Variants in LARGE1 observed in about 807,000 individuals in gnomAD.
LARGE1 encodes LARGE xylosyl- and glucuronyltransferase 1.
LARGE1 carries 43 observed loss-of-function variants against 87.6 expected under a neutral mutation model. The observed-to-expected ratio is 0.49, with a 90% CI of 0.38 to 0.63. LARGE1 has a LOEUF of 0.63. Among genes scored for constraint, LARGE1 ranks in the 30% least tolerant of loss-of-function variants. The pLI, the probability that LARGE1 is intolerant of heterozygous loss-of-function variation, is 0.00. For missense variants in LARGE1, 802 were observed against 1,000.2 expected (o/e 0.80, Z 2.67); for synonymous variants, 434 against 394.6 (o/e 1.10, Z -1.18).
intron 9 of LARGE1, among the ~76,000 whole-genome samples, chr22:33,379,903 T>A (rs1346915686): frequency 6.6e-6 from 1 of 152,148 alleles, no homozygotes; most frequent in Non-Finnish European, 1.5e-5. Flanking sequence ...TCAGGAAATT[T>A]CAAGGGTTTT....
chr22:33,514,509 T>G (rs117037933), intron 6 of LARGE1, among the ~76,000 whole-genome samples: 2,005 of 152,276 alleles, frequency 0.013, 20 homozygotes, highest in Middle Eastern at 0.048. Context: ...ATTTAAAAAT[T>G]CATACAGTAT....
At chr22:33,284,148 A>G (rs574905220) in intron 12 of LARGE1, among the ~76,000 whole-genome samples, 1 of 152,260 alleles carries the variant, frequency 6.6e-6, no homozygotes, top group Admixed American at 6.5e-5. Context: ...CAGGCACAGA[A>G]GGAAGGCTTC....
rs183537386 is a variant in LARGE1, at chr22:33,376,041, C to T, written c.1131+5878G>A. Among the ~76,000 whole-genome samples the T allele has an allele frequency of 1.5e-4, 23 of 152,198 alleles. No individual in the cohort carries two copies. In the East Asian group the frequency reaches 3.9e-3, roughly 26 times the overall value. On this transcript the variant is annotated intron_variant, in intron 9 of 14. Coordinates refer to ENST00000397394, the MANE Select transcript of LARGE1 (RefSeq NM_133642.5). ...CTATTTTTGGAAAAGCCAATATCAC[C>T]GTAGGAAGAAAAAGTTATGTTTCTG...
chr22:33,677,793 C>G (rs1319695989), intron 2 of LARGE1, among the ~76,000 whole-genome samples: 5 of 152,194 alleles, frequency 3.3e-5, no homozygotes. Flanking sequence ...TTTGTCTGTC[C>G]AAATTCTTGA....
intron 6 of LARGE1, among the ~76,000 whole-genome samples, chr22:33,527,288 C>G (rs1289014378): frequency 6.6e-6 from 1 of 152,132 alleles, no homozygotes; most frequent in Non-Finnish European, 1.5e-5. Flanking sequence ...GATAAAAACC[C>G]CTATAGGTCG....
At chr22:33,756,556 G>C (rs1028069793) in intron 2 of LARGE1, among the ~76,000 whole-genome samples, 2 of 152,174 alleles carry the variant, frequency 1.3e-5, no homozygotes, top group Non-Finnish European at 2.9e-5. Context: ...GAGCAATAGA[G>C]GGTGTCAGGG....
chr22:33,337,391 C>T (rs1278405136), intron 10 of LARGE1, among the ~76,000 whole-genome samples: 1 of 152,116 alleles, frequency 6.6e-6, no homozygotes, highest in Non-Finnish European at 1.5e-5. Flanking sequence ...CATTCTGTTT[C>T]CTCTGCTTGG....
At chr22:33,348,113 A>T (rs1238142192) in intron 9 of LARGE1, among the ~76,000 whole-genome samples, 1 of 152,170 alleles carries the variant, frequency 6.6e-6, no homozygotes, top group Non-Finnish European at 1.5e-5. Context: ...CCTCCTGGCT[A>T]GACTTCAAGG....
chr22:33,122,316 C>T, the LARGE1 span, among the ~76,000 whole-genome samples: 9 of 151,256 alleles, frequency 6.0e-5, no homozygotes, highest in African/African-American at 1.2e-4. Flanking sequence ...TCTGCATGTT[C>T]GTGGGCAGTA....
chr22:33,208,257 T>C (rs1475253270), intron 11 of LARGE1, among the ~76,000 whole-genome samples: 1 of 152,204 alleles, frequency 6.6e-6, no homozygotes, highest in Admixed American at 6.5e-5. Flanking sequence ...GAAAATCGTA[T>C]AGGCCACATA....
At chr22:33,117,254 A>G in the LARGE1 span, among the ~76,000 whole-genome samples, 1 of 152,182 alleles carries the variant, frequency 6.6e-6, no homozygotes, top group Non-Finnish European at 1.5e-5. Context: ...AGATTCTGGG[A>G]TATGTGGCTC....
At chr22:33,717,830 A>C (rs1178845411) in intron 2 of LARGE1, among the ~76,000 whole-genome samples, 1 of 152,182 alleles carries the variant, frequency 6.6e-6, no homozygotes, top group Non-Finnish European at 1.5e-5. Flanking sequence ...CATTCTGCCA[A>C]AGTCGCTTTG....
intron 4 of LARGE1, among the ~76,000 whole-genome samples, chr22:33,608,174 T>C (rs1158600011): frequency 6.6e-6 from 1 of 152,178 alleles, no homozygotes; most frequent in East Asian, 1.9e-4. Flanking sequence ...TGGATAAAGG[T>C]AAGCCTATAT....
At chr22:33,898,456 G>C (rs916561298) in intron 1 of LARGE1, among the ~76,000 whole-genome samples, 1 of 152,200 alleles carries the variant, frequency 6.6e-6, no homozygotes, top group African/African-American at 2.4e-5. Context: ...ATCATTACAA[G>C]ATTCTTCTTA....
At chr22:33,138,442 A>G in the LARGE1 span, among the ~76,000 whole-genome samples, 1 of 118,952 alleles carries the variant, frequency 8.4e-6, no homozygotes, top group Non-Finnish European at 1.9e-5. Flanking sequence ...GAGGACTTTT[A>G]TTTTTTCATT....
At chr22:33,079,867 C>T in the LARGE1 span, among the ~76,000 whole-genome samples, 1 of 152,222 alleles carries the variant, frequency 6.6e-6, no homozygotes, top group East Asian at 1.9e-4. Flanking sequence ...GAGGGCAAAA[C>T]CCATGAAAAT....
intron 1 of LARGE1, among the ~76,000 whole-genome samples, chr22:33,814,565 A>C (rs1336569742): frequency 6.6e-6 from 1 of 152,188 alleles, no homozygotes; most frequent in Admixed American, 6.5e-5. Context: ...TGAAGGCCTT[A>C]AGAGGAAAAA....
Position 33,564,900 on chromosome 22 carries a change from G to A in LARGE1, c.735C>T (p.Ile245=). 6.2e-7 allele frequency: 1 copy of A among 1,614,178 alleles called. No individual in the cohort carries two copies. Among genetic ancestry groups the A allele is most frequent in the Non-Finnish European group, 8.5e-7 (1 of 1,180,020 alleles). Residue 245 remains isoleucine (I), a synonymous_variant, in exon 6 of 15, where the codon ATC becomes ATT. Coordinates refer to ENST00000397394, the MANE Select transcript of LARGE1 (RefSeq NM_133642.5). The stretch of plus-strand genomic sequence containing the variant: ...GCTCTGCAATGTCAGTGGCAAAGGT[G>A]ATATCCGTGTCAAGGACGATGACTC... ...LERVIVLDTD[I]TFATDIAELW... is the part of the protein sequence containing the mutation.
chr22:33,159,872 C>T (rs1472243126), downstream of LARGE1, among the ~76,000 whole-genome samples: 2 of 151,608 alleles, frequency 1.3e-5, no homozygotes, highest in East Asian at 1.9e-4. Flanking sequence ...CAGGTGTGAG[C>T]CACCATGCCT....
Sources: allele counts gnomAD v4.1 joint callset (sites outside exome capture counted in the v4.1 genomes callset), GRCh38; gene constraint gnomAD v4.1.1; transcripts MANE v1.5; gene names NCBI Gene and HGNC (gene_info 2026-07-23, HGNC 2026-07-21).